The following CCNT2 variants were observed in gnomAD, a reference collection of about 807,000 sequenced individuals.
The protein encoded by CCNT2 is cyclin T2, also known as cyclin-T2.
A neutral mutation model predicts 70.0 loss-of-function variants in CCNT2; 18 were observed. The observed-to-expected ratio is 0.26, with a 90% CI of 0.18 to 0.38. The LOEUF is 0.38. CCNT2 is among the 10% of genes least tolerant of loss of function. CCNT2 has a pLI of 1.00. For synonymous variants in CCNT2, 334 were observed against 313.3 expected (o/e 1.07, Z -0.70); for missense variants, 734 against 890.2 (o/e 0.82, Z 2.23).
Position 134,957,927 on chromosome 2 carries a change from ATC to A in CCNT2, c.*3280_*3281del, listed in dbSNP as rs1559123907. 2 of 152,154 alleles carry A rather than the reference ATC, an allele frequency of 1.3e-5. No homozygotes were observed. The highest frequency in any genetic ancestry group is 2.9e-5 in the Non-Finnish European group (2 of 68,022). The allele number at this position is 152,154 out of a possible 1,614,324, so 9.4% of individuals were successfully genotyped here. ...ATAGAATACCTAATTTTTTTGGCCT[ATC>A]CTCTTTGAACTAGAAATGACTACTT... is the stretch of plus-strand genomic sequence containing the variant. On this transcript the variant is annotated 3_prime_UTR_variant, in exon 9 of 9. Coordinates refer to ENST00000264157, the MANE Select transcript of CCNT2 (RefSeq NM_058241.3).
In CCNT2 at chr2:134,956,651, GTA is replaced by G. The variant is rs1256810880; in HGVS notation, c.*2006_*2007del. The G allele has an allele frequency of 6.6e-6, 1 of 152,476 alleles. No homozygotes were observed. Among genetic ancestry groups the G allele is most frequent in the Non-Finnish European group, 1.5e-5 (1 of 67,990 alleles). 9.4% of individuals were successfully genotyped at this position (152,476 alleles called of 1,614,324 possible). ...AACTACATAAGGTGGTTGTGCTACTGTATAATTGGGGGTGATAATACCAGGAA... is the reference window on the plus strand; with the variant it reads ...AACTACATAAGGTGGTTGTGCTACTGTAATTGGGGGTGATAATACCAGGAA... On this transcript the variant is annotated 3_prime_UTR_variant, in exon 9 of 9. Transcript: ENST00000264157.
chr2:134,926,127 A>T (rs1021064350), intron 2 of CCNT2, among the ~76,000 whole-genome samples: 1 of 151,900 alleles, frequency 6.6e-6, no homozygotes, highest in African/African-American at 2.4e-5. Flanking sequence ...CAGCCTCCCA[A>T]CACTCAGCCT....
Position 134,953,396 on chromosome 2 carries a change from C to T in CCNT2, c.941C>T (p.Pro314Leu). The T allele has an allele frequency of 1.2e-6, 2 of 1,603,116 alleles. No homozygotes were observed. The highest frequency in any genetic ancestry group is 2.2e-5 in the South Asian group (2 of 89,824). ...ACATCAGCATTCCCTGCGCCAGTAC[C>T]TCTAAATTCAGGAAATATTTCTGTT... ...PSTSAFPAPV[P>L]LNSGNISVQD... is the part of the protein sequence containing the mutation. Residue 314 changes from proline to leucine, a missense_variant, in exon 9 of 9, where the codon CCT (proline) becomes CTT (leucine). By Grantham distance (98) the Pro-to-Leu change is moderately conservative. This residue lies in a region of CCNT2 where 532 missense variants were observed against 556.9 expected (regional missense o/e 0.96). Transcript: ENST00000264157.
In CCNT2 at chr2:134,919,875, C is replaced by T; in HGVS notation, c.224C>T (p.Thr75Ile). Residue 75 changes from threonine to isoleucine, a missense_variant, in exon 2 of 9, where the codon ACC becomes ATC. This residue lies in a region of CCNT2 where 161 missense variants were observed against 303.8 expected (regional missense o/e 0.53). Coordinates refer to ENST00000264157, the MANE Select transcript of CCNT2 (RefSeq NM_058241.3). ...MHRFYMHHSF[T>I]KFNKNIISST... ...AGGTTTTATATGCACCATTCTTTCA[C>T]CAAATTCAACAAAAATGTAAGTACT... The T allele has an allele frequency of 6.2e-7, 1 of 1,608,180 alleles. No homozygotes were observed. The highest frequency in any genetic ancestry group is 1.7e-5 in the Admixed American group (1 of 59,248).
intron 2 of CCNT2, among the ~76,000 whole-genome samples, chr2:134,930,422 C>T (rs1044111031): frequency 1.3e-5 from 2 of 152,172 alleles, no homozygotes; most frequent in Non-Finnish European, 2.9e-5. Flanking sequence ...ACTTAACAGC[C>T]ATTCCACTGG....
At position 134,944,949 on chromosome 2, in the gene CCNT2, T is replaced by C. The variant is rs552320379; in HGVS notation, c.494-1152T>C. ...GGGGGAGGGGAAAATAAATTTGATT[T>C]CTGTGAAGTCTTTTTCTCCCCTCTG... On this transcript the variant is annotated intron_variant, in intron 5 of 8. Transcript: ENST00000264157. 1.0e-5 allele frequency: 10 copies of C among 985,296 alleles called. No individual in the cohort carries two copies. In the East Asian group the frequency reaches 1.0e-3, roughly 101 times the overall value. The allele number at this position is 985,296 out of a possible 1,614,324, so 61.0% of individuals were successfully genotyped here. A position where few individuals can be genotyped will look rare whatever the true frequency, so the allele number is the denominator to read the frequency against.
intron 7 of CCNT2, among the ~76,000 whole-genome samples, chr2:134,950,594 G>A (rs1682419998): frequency 6.6e-6 from 1 of 152,066 alleles, no homozygotes; most frequent in South Asian, 2.1e-4. Flanking sequence ...CTGTGATAAT[G>A]CTACTGCTCT....
intron 5 of CCNT2, chr2:134,945,111 A>C: frequency 1.0e-6 from 1 of 985,354 alleles, no homozygotes; most frequent in Non-Finnish European, 1.2e-6. Context: ...TGATGCTTTG[A>C]CACTCTTCCT....
intron 5 of CCNT2, chr2:134,944,349 A>G: frequency 2.1e-6 from 2 of 962,564 alleles, no homozygotes; most frequent in Non-Finnish European, 2.5e-6. Flanking sequence ...CATTAGTTGA[A>G]GGAAGTACTA....
rs1326283718 is a variant in CCNT2, at chr2:134,955,433, G to A, written c.*785G>A. Reference sequence around the variant, plus strand: ...TGAAATAGCCCCTAACTTTCTGAAGGCTTGAAGAGGAAAAAATAAAGTTTA... The same window carrying A: ...TGAAATAGCCCCTAACTTTCTGAAGACTTGAAGAGGAAAAAATAAAGTTTA... On this transcript the variant is annotated 3_prime_UTR_variant, in exon 9 of 9. Coordinates refer to ENST00000264157, the MANE Select transcript of CCNT2 (RefSeq NM_058241.3). 6.6e-6 allele frequency: 1 copy of A among 152,580 alleles called. No individual in the cohort carries two copies. The highest frequency in any genetic ancestry group is 1.5e-5 in the Non-Finnish European group (1 of 68,030). 9.5% of individuals were successfully genotyped at this position (152,580 alleles called of 1,614,324 possible). A position where few individuals can be genotyped will look rare whatever the true frequency, so the allele number is the denominator to read the frequency against.
At chr2:134,941,886 A>G (rs1016159973) in intron 4 of CCNT2, among the ~76,000 whole-genome samples, 7 of 152,170 alleles carry the variant, frequency 4.6e-5, no homozygotes, top group African/African-American at 1.7e-4. Context: ...AGAACTATAT[A>G]TAGACCACAC....
chr2:134,954,741 C>T lies in CCNT2; in HGVS notation c.*93C>T. The T allele has an allele frequency of 4.1e-6, 3 of 725,138 alleles. No homozygotes were observed. The highest frequency in any genetic ancestry group is 4.7e-6 in the Non-Finnish European group (2 of 425,308). The allele number at this position is 725,138 out of a possible 1,614,324, so 44.9% of individuals were successfully genotyped here. A position where few individuals can be genotyped will look rare whatever the true frequency, so the allele number is the denominator to read the frequency against. ...TCTGATCTAGCAGTGGTAACCCCTG[C>T]TGTTGCTGCCACTGCTTCAATATTT... On this transcript the variant is annotated 3_prime_UTR_variant, in exon 9 of 9. Coordinates refer to ENST00000264157, the MANE Select transcript of CCNT2 (RefSeq NM_058241.3).
chr2:134,954,164 C>G lies in CCNT2; in HGVS notation c.1709C>G (p.Thr570Ser). ...HKEHPSSRHH[T>S]SSHKHSHSHS... ...GAGCATCCTTCAAGCCGCCACCACA[C>G]CAGCAGCCACAAGCATTCCCACTCG... The change falls in exon 9 of 9, where the codon ACC becomes AGC. Residue 570 changes from threonine (T) to serine (S), a missense_variant. Thr to Ser is a moderately conservative substitution (Grantham distance 58). Transcript: ENST00000264157. 1 of 1,614,198 alleles carries G rather than the reference C, an allele frequency of 6.2e-7. No individual in the cohort carries two copies. The highest frequency in any genetic ancestry group is 1.1e-5 in the South Asian group (1 of 91,082).
chr2:134,958,957 C>CA lies in CCNT2; in HGVS notation c.*4312dup, dbSNP rs1320719452. ...ACTTCACTGTGGAATCCATTTATCT[C>CA]AAAGTTTGAGGGCTGTCTACTTTAT... On this transcript the variant is annotated 3_prime_UTR_variant, in exon 9 of 9. Coordinates refer to ENST00000264157, the MANE Select transcript of CCNT2 (RefSeq NM_058241.3). 1 of 152,176 alleles carries CA rather than the reference C, an allele frequency of 6.6e-6. No individual in the cohort carries two copies. The allele number at this position is 152,176 out of a possible 1,614,324, so 9.4% of individuals were successfully genotyped here.
chr2:134,927,579 C>T (rs1395707312), intron 2 of CCNT2, among the ~76,000 whole-genome samples: 1 of 151,936 alleles, frequency 6.6e-6, no homozygotes, highest in Non-Finnish European at 1.5e-5. Flanking sequence ...TTGCATTGGC[C>T]AAGGCATGCA....
rs1201773880 is a variant in CCNT2 at position 134,954,933 on chromosome 2, A to G, written c.*285A>G. The G allele has an allele frequency of 6.4e-6, 2 of 313,270 alleles. No individual in the cohort carries two copies. Among genetic ancestry groups the G allele is most frequent in the Admixed American group, 4.4e-5 (1 of 22,654 alleles). 19.4% of individuals were successfully genotyped at this position (313,270 alleles called of 1,614,324 possible). A position where few individuals can be genotyped will look rare whatever the true frequency, so the allele number is the denominator to read the frequency against. On this transcript the variant is annotated 3_prime_UTR_variant, in exon 9 of 9. Transcript: ENST00000264157. ...TTAGGATGAATGGCTGGCTGCTTCT[A>G]GGAATATAAGATGCCTCAAGCATTC...
At chr2:134,943,401 C>CA (rs199863815) in intron 5 of CCNT2, 1,819 of 859,228 alleles carry the variant, frequency 2.1e-3, no homozygotes, top group Non-Finnish European at 2.3e-3. Context: ...GACCCTATCT[C>CA]AAAAAAAAAA....
At chr2:134,931,766 G>A (rs761889861) in intron 2 of CCNT2, among the ~76,000 whole-genome samples, 1 of 151,846 alleles carries the variant, frequency 6.6e-6, no homozygotes, top group Non-Finnish European at 1.5e-5. Context: ...GTCATTTTTT[G>A]TCCTTTTGGT....
In CCNT2 at chr2:134,955,977, GCA is replaced by G; in HGVS notation, c.*1332_*1333del. 6.6e-6 allele frequency: 1 copy of G among 152,602 alleles called. No homozygotes were observed. Among genetic ancestry groups the G allele is most frequent in the Non-Finnish European group, 1.5e-5 (1 of 68,024 alleles). 9.5% of individuals were successfully genotyped at this position (152,602 alleles called of 1,614,324 possible). A position where few individuals can be genotyped will look rare whatever the true frequency, so the allele number is the denominator to read the frequency against. ...GTATATTTCTGTTGAGGTAAAGTTT[GCA>G]CAGTCATCTGACTTCTGATCAAGCA... On this transcript the variant is annotated 3_prime_UTR_variant, in exon 9 of 9. Coordinates refer to ENST00000264157, the MANE Select transcript of CCNT2 (RefSeq NM_058241.3).
Sources: allele counts gnomAD v4.1 joint callset (sites outside exome capture counted in the v4.1 genomes callset), GRCh38; gene constraint gnomAD v4.1.1; regional missense constraint gnomAD v4.1.1; transcripts MANE v1.5; gene names NCBI Gene and HGNC (gene_info 2026-07-23, HGNC 2026-07-21).